The following RBPJ variants were observed in gnomAD, a reference collection of about 807,000 sequenced individuals.
The protein encoded by RBPJ is recombination signal binding protein for immunoglobulin kappa J region, also known as recombining binding protein suppressor of hairless.
In RBPJ, 9 loss-of-function variants were observed where a neutral mutation model predicts 67.8. That is an observed-to-expected ratio of 0.13 (90% CI 0.08 to 0.23). The LOEUF (loss-of-function observed/expected upper bound fraction) is 0.23, where lower values mean the gene tolerates loss of function less well. RBPJ is among the 10% of genes least tolerant of loss of function. The pLI is 1.00. For missense variants in RBPJ, 305 were observed against 595.6 expected (o/e 0.51, Z 5.08); for synonymous variants, 198 against 203.3 (o/e 0.97, Z 0.22).
intron 1 of RBPJ, among the ~76,000 whole-genome samples, chr4:26,215,185 GGA>G: frequency 4.2e-5 from 3 of 71,884 alleles, no homozygotes; most frequent in Admixed American, 1.6e-4. Context: ...GAGGAAGGAA[GGA>G]AGGAAGGAAA....
intron 1 of RBPJ, among the ~76,000 whole-genome samples, chr4:26,182,813 T>A (rs983894874): frequency 6.6e-6 from 1 of 152,152 alleles, no homozygotes; most frequent in Non-Finnish European, 1.5e-5. Flanking sequence ...TTAAACTTCT[T>A]TGTTAAAAGC....
intron 1 of RBPJ, among the ~76,000 whole-genome samples, chr4:26,204,944 CTG>C (rs1290451558): frequency 6.6e-6 from 1 of 152,308 alleles, no homozygotes; most frequent in Admixed American, 6.5e-5. Context: ...GGTCAGAAAA[CTG>C]TGAGAATCTG....
chr4:26,408,980 A>G (rs923793376), intron 3 of RBPJ, among the ~76,000 whole-genome samples: 1 of 152,232 alleles, frequency 6.6e-6, no homozygotes, highest in African/African-American at 2.4e-5. Flanking sequence ...GCCCAATTGA[A>G]TTATGAATAG....
chr4:26,227,251 C>T lies in RBPJ; in HGVS notation c.-167+63637C>T, dbSNP rs563770140. Among the ~76,000 whole-genome samples the T allele has an allele frequency of 6.6e-5, 10 of 152,264 alleles. No individual in the cohort carries two copies. In the South Asian group the frequency reaches 2.1e-3, roughly 32 times the overall value. On this transcript the variant is annotated intron_variant, in intron 1 of 4. Transcript: ENST00000512351. Reference sequence around the variant, plus strand: ...TAACAGAGAGTTCAAAACCTCAGACCTTTGGGCAGGTGGTTAAGTGGACTC... The same window carrying T: ...TAACAGAGAGTTCAAAACCTCAGACTTTTGGGCAGGTGGTTAAGTGGACTC...
intron 1 of RBPJ, among the ~76,000 whole-genome samples, chr4:26,355,045 T>C (rs567521369): frequency 2.0e-5 from 3 of 152,294 alleles, no homozygotes; most frequent in Non-Finnish European, 4.4e-5. Context: ...GATTTAATAT[T>C]GTCTCCTGCC....
At chr4:26,196,346 G>A (rs144262674) in intron 1 of RBPJ, among the ~76,000 whole-genome samples, 15 of 152,286 alleles carry the variant, frequency 9.8e-5, no homozygotes, top group East Asian at 3.8e-4. Context: ...GCTCGATATC[G>A]TATGATTCTA....
chr4:26,147,194 C>G, the RBPJ span, among the ~76,000 whole-genome samples: 1 of 152,194 alleles, frequency 6.6e-6, no homozygotes, highest in Admixed American at 6.5e-5. Context: ...GTAAAGCTGA[C>G]TCTGGCTTGT....
chr4:26,253,456 C>T (rs923065655), intron 1 of RBPJ, among the ~76,000 whole-genome samples: 41 of 148,596 alleles, frequency 2.8e-4, no homozygotes, highest in Non-Finnish European at 5.3e-4. Context: ...GGACTACAGG[C>T]GCCCGCCACT....
At chr4:26,360,156 TTAATA>T (rs1727885351) in intron 1 of RBPJ, among the ~76,000 whole-genome samples, 1 of 152,200 alleles carries the variant, frequency 6.6e-6, no homozygotes, top group Non-Finnish European at 1.5e-5. Flanking sequence ...TCTCAAAATA[TTAATA>T]TAATCCACCA....
intron 1 of RBPJ, among the ~76,000 whole-genome samples, chr4:26,175,712 C>T (rs1309701349): frequency 2.0e-5 from 3 of 152,214 alleles, no homozygotes; most frequent in Admixed American, 6.5e-5. Flanking sequence ...GCAAACACAG[C>T]GTATTCAAGC....
chr4:26,305,784 T>C (rs1162544699), intron 1 of RBPJ, among the ~76,000 whole-genome samples: 1 of 136,778 alleles, frequency 7.3e-6, no homozygotes, highest in African/African-American at 2.8e-5. Context: ...TTTTTTTTTT[T>C]TTTTTTTTTT....
chr4:26,214,536 GGAGGGAGGGAGGGAGGGAAAAGA>G (rs1718563929), intron 1 of RBPJ, among the ~76,000 whole-genome samples: 1 of 9,684 alleles, frequency 1.0e-4, no homozygotes, highest in African/African-American at 4.7e-4. Context: ...AAGGAGGAAG[GGAGGGAGGGAGGGAGGGAAAAGA>G]GAGAGAAAAG....
At chr4:26,272,620 AG>A in intron 1 of RBPJ, 1 of 434,426 alleles carries the variant, frequency 2.3e-6, no homozygotes, top group South Asian at 1.7e-5. Context: ...ACAAAACTAC[AG>A]ATTTGGTTGC....
At chr4:26,389,393 T>G (rs1197181106) in intron 2 of RBPJ, among the ~76,000 whole-genome samples, 1 of 151,488 alleles carries the variant, frequency 6.6e-6, no homozygotes, top group Non-Finnish European at 1.5e-5. Context: ...GAAACCTTGC[T>G]GTGGATAAGA....
At chr4:26,306,931 T>A (rs899375905) in intron 1 of RBPJ, among the ~76,000 whole-genome samples, 1 of 152,052 alleles carries the variant, frequency 6.6e-6, no homozygotes, top group South Asian at 2.1e-4. Context: ...TTTCTCATCA[T>A]TTTATACTTT....
chr4:26,338,156 C>CTTTTTTTTTTTTTTTTTTTT (rs773976269), intron 1 of RBPJ, among the ~76,000 whole-genome samples: 2 of 89,026 alleles, frequency 2.2e-5, no homozygotes, highest in African/African-American at 9.1e-5. Context: ...ATTTTTCTTT[C>CTTTTTTTTTTTTTTTTTTTT]TTTTTTTTTT....
the RBPJ span, among the ~76,000 whole-genome samples, chr4:26,149,563 A>G: frequency 6.6e-6 from 1 of 152,222 alleles, no homozygotes; most frequent in Non-Finnish European, 1.5e-5. Flanking sequence ...GGTCACATGA[A>G]TAGATTAATG....
chr4:26,426,093 G>T (rs1402178856), intron 7 of RBPJ, among the ~76,000 whole-genome samples: 1 of 152,096 alleles, frequency 6.6e-6, no homozygotes, highest in Non-Finnish European at 1.5e-5. Flanking sequence ...TAATAAAAAG[G>T]GTAACGTTAG....
intron 1 of RBPJ, among the ~76,000 whole-genome samples, chr4:26,298,559 A>G (rs1484243869): frequency 1.3e-5 from 2 of 152,244 alleles, no homozygotes. Flanking sequence ...TCTTTACAGT[A>G]AGTGAAGAGG....
Sources: gnomAD v4.1 joint callset for allele counts (sites outside exome capture counted in the v4.1 genomes callset) on GRCh38, gnomAD v4.1.1 for gene constraint, MANE v1.5 for transcripts, NCBI Gene and HGNC (gene_info 2026-07-23, HGNC 2026-07-21) for gene names.